ADAM32: variants seen among roughly 807,000 people sequenced by gnomAD.
ADAM32 encodes ADAM metallopeptidase domain 32, also known as disintegrin and metalloproteinase domain-containing protein 32.
ADAM32 carries 89 observed loss-of-function variants against 114.9 expected under a neutral mutation model. That is an observed-to-expected ratio of 0.77 (90% confidence interval 0.65 to 0.92). ADAM32 has a LOEUF of 0.92. Ranked by LOEUF, ADAM32 falls within the 40% of genes least tolerant of loss-of-function variation. The pLI is 0.00. For missense variants in ADAM32, 870 were observed against 932.8 expected (o/e 0.93, Z 0.88); for synonymous variants, 285 against 307.5 (o/e 0.93, Z 0.77).
chr8:39,228,032 C>T (rs1464458765), intron 14 of ADAM32, among the ~76,000 whole-genome samples: 1 of 152,176 alleles, frequency 6.6e-6, no homozygotes, highest in Non-Finnish European at 1.5e-5. Flanking sequence ...CCAGTACCAG[C>T]CTGGAGCTGG....
chr8:39,232,835 G>T (rs1809837715), intron 15 of ADAM32, among the ~76,000 whole-genome samples: 1 of 152,116 alleles, frequency 6.6e-6, no homozygotes, highest in African/African-American at 2.4e-5. Flanking sequence ...GCTTTTAAGA[G>T]AATCTTAAAC....
At chr8:39,281,357 T>C (rs1479175277) in intron 23 of ADAM32, among the ~76,000 whole-genome samples, 183 bp downstream of exon 23, 1 of 152,206 alleles carries the variant, frequency 6.6e-6, no homozygotes, top group Non-Finnish European at 1.5e-5. Context: ...TTAATCTTTT[T>C]TCTTCAGTTG....
intron 17 of ADAM32, among the ~76,000 whole-genome samples, chr8:39,248,133 CTT>C (rs1053254273): frequency 6.6e-6 from 1 of 152,090 alleles, no homozygotes; most frequent in Non-Finnish European, 1.5e-5. Context: ...AGTCTTCTGA[CTT>C]TGTTCTTTTT....
chr8:39,214,154 G>A, intron 12 of ADAM32, among the ~76,000 whole-genome samples: 1 of 152,138 alleles, frequency 6.6e-6, no homozygotes. Flanking sequence ...ACATGGGCAT[G>A]CAGATATCTC....
chr8:39,229,091 A>G lies in ADAM32; in HGVS notation c.1526-2936A>G, dbSNP rs1809571152. On this transcript the variant is annotated intron_variant, in intron 14 of 24. Coordinates refer to ENST00000379907, the MANE Select transcript of ADAM32 (RefSeq NM_145004.7). ...TGTATCCAGTGAAACTAAGCATCAT[A>G]TGTGAAGGAAAGATACAGTCTTTTC... Among the ~76,000 whole-genome samples the G allele has an allele frequency of 2.0e-5, 3 of 152,300 alleles. No individual in the cohort carries two copies. In the South Asian group the frequency reaches 6.2e-4, roughly 32 times the overall value.
At chr8:39,244,693 C>T (rs1441502268) in intron 16 of ADAM32, among the ~76,000 whole-genome samples, 1 of 152,018 alleles carries the variant, frequency 6.6e-6, no homozygotes, top group Non-Finnish European at 1.5e-5. Flanking sequence ...CACACCGGGG[C>T]CTGTTGTGGG....
At chr8:39,200,451 C>T in intron 11 of ADAM32, among the ~76,000 whole-genome samples, 1 of 73,300 alleles carries the variant, frequency 1.4e-5, no homozygotes, top group East Asian at 4.6e-4. Context: ...ATCTCCTTCG[C>T]CCACTTTTTG....
chr8:39,123,872 A>C (rs1262201699), intron 2 of ADAM32, among the ~76,000 whole-genome samples: 3 of 151,818 alleles, frequency 2.0e-5, no homozygotes, highest in African/African-American at 7.3e-5. Context: ...ACACCCAGCT[A>C]ATTTTTGTAT....
At chr8:39,126,883 T>G (rs911016301) in intron 2 of ADAM32, among the ~76,000 whole-genome samples, 2 of 152,332 alleles carry the variant, frequency 1.3e-5, no homozygotes. Flanking sequence ...CATGAAGCAA[T>G]ATTGAATTTT....
chr8:39,152,165 G>C (rs1181910090), intron 6 of ADAM32, among the ~76,000 whole-genome samples: 1 of 151,880 alleles, frequency 6.6e-6, no homozygotes, highest in African/African-American at 2.4e-5. Flanking sequence ...AATTTTAAAG[G>C]TTATATTCAT....
At chr8:39,284,251 T>C (rs1354935566) in intron 24 of ADAM32, among the ~76,000 whole-genome samples, 1 of 152,198 alleles carries the variant, frequency 6.6e-6, no homozygotes, top group Non-Finnish European at 1.5e-5. Context: ...TCTGTAAATT[T>C]GTTTATAAAA....
At chr8:39,181,188 C>G (rs1805863520) in intron 10 of ADAM32, among the ~76,000 whole-genome samples, 1 of 152,168 alleles carries the variant, frequency 6.6e-6, no homozygotes, top group Admixed American at 6.5e-5. Flanking sequence ...ATAAATCTTG[C>G]TACTGCTCAC....
intron 19 of ADAM32, among the ~76,000 whole-genome samples, chr8:39,269,980 C>T (rs541796394): frequency 6.6e-5 from 10 of 152,212 alleles, no homozygotes; most frequent in African/African-American, 1.7e-4. Flanking sequence ...AAGTGCTGAG[C>T]GGAGGGGCAA....
At chr8:39,258,213 C>A (rs1811785388) in intron 19 of ADAM32, among the ~76,000 whole-genome samples, 2 of 150,840 alleles carry the variant, frequency 1.3e-5, no homozygotes, top group Non-Finnish European at 3.0e-5. Flanking sequence ...CTTTTGGTTT[C>A]ATTGTGGTCT....
intron 19 of ADAM32, among the ~76,000 whole-genome samples, chr8:39,264,452 A>G (rs1365778045): frequency 6.6e-6 from 1 of 152,034 alleles, no homozygotes; most frequent in East Asian, 1.9e-4. Flanking sequence ...TCTCTTTTTA[A>G]ATTAATCTAG....
chr8:39,274,329 G>A lies in ADAM32; in HGVS notation c.2219G>A (p.Ser740Asn), dbSNP rs1311535244. Residue 740 changes from serine (S) to asparagine (N), a missense_variant, in exon 21 of 25, where the codon AGC (serine) becomes AAC (asparagine). Transcript: ENST00000379907. The part of the protein sequence containing the change: ...TYASQSSSEG[S>N]TQTYASQTRS... ...TTTTTTAGATCCAGCTCAGAAGGCA[G>A]CACTCAGACATATGCCAGCCAGTAA... 1 of 1,613,322 alleles carries A rather than the reference G, an allele frequency of 6.2e-7. No homozygotes were observed. Among genetic ancestry groups the A allele is most frequent in the East Asian group, 2.2e-5 (1 of 44,814 alleles).
intron 2 of ADAM32, among the ~76,000 whole-genome samples, chr8:39,135,961 T>G (rs1802777418): frequency 6.6e-6 from 1 of 152,218 alleles, no homozygotes; most frequent in Non-Finnish European, 1.5e-5. Flanking sequence ...CCCTGGTTGC[T>G]TCTTATTTTC....
At chr8:39,261,981 T>C (rs544464067) in intron 19 of ADAM32, among the ~76,000 whole-genome samples, 1 of 152,330 alleles carries the variant, frequency 6.6e-6, no homozygotes, top group South Asian at 2.1e-4. Flanking sequence ...ATTCTCATAT[T>C]CTGTAGGTTG....
At chr8:39,149,990 TC>T (rs1360217692) in intron 5 of ADAM32, 123 bp downstream of exon 5, 1 of 610,098 alleles carries the variant, frequency 1.6e-6, no homozygotes, top group Non-Finnish European at 2.7e-6. Context: ...TTTAATGATA[TC>T]CCCCTCTGAA....
Sources: allele counts gnomAD v4.1 joint callset (sites outside exome capture counted in the v4.1 genomes callset), GRCh38; gene constraint gnomAD v4.1.1; transcripts MANE v1.5; gene names NCBI Gene and HGNC (gene_info 2026-07-23, HGNC 2026-07-21).